The following WDFY3 variants were observed in gnomAD, a reference collection of about 807,000 sequenced individuals.
WDFY3 encodes the protein WD repeat and FYVE domain-containing protein 3.
Under a neutral mutation model 409.6 loss-of-function variants are expected in WDFY3, and 66 were observed. That is an observed-to-expected ratio of 0.16 (90% CI 0.13 to 0.20). The LOEUF (loss-of-function observed/expected upper bound fraction) is 0.20. Ranked by LOEUF, WDFY3 falls within the 10% of genes least tolerant of loss-of-function variation. The pLI is 1.00. For synonymous variants in WDFY3, 1,521 were observed against 1,537.1 expected, an observed-to-expected ratio of 0.99 and a Z score of 0.25; for missense variants, 3,031 against 4,298.1, an observed-to-expected ratio of 0.71 and a Z score of 8.24.
chr4:84,748,293 C>A (rs1739864899), intron 36 of WDFY3, among the ~76,000 whole-genome samples: 1 of 152,124 alleles, frequency 6.6e-6, no homozygotes, highest in Non-Finnish European at 1.5e-5. Flanking sequence ...ATTTAGTTTT[C>A]ACAATAATTC....
chr4:84,718,485 A>G lies in WDFY3; in HGVS notation c.7691T>C (p.Val2564Ala). Reference protein sequence around the residue: ...LLLFGKEHFYVIDGFTMTATR... With the variant: ...LLLFGKEHFYAIDGFTMTATR... ...TGCTGTCATGGTAAATCCATCAATCACATAAAAATGCTCTTTACCAAAAAG... is the reference window on the plus strand; with the variant it reads ...TGCTGTCATGGTAAATCCATCAATCGCATAAAAATGCTCTTTACCAAAAAG... The change falls in exon 48 of 68, where the codon GTG (valine) becomes GCG (alanine). Residue 2564 changes from valine to alanine, a missense_variant. Coordinates refer to ENST00000295888, the MANE Select transcript of WDFY3 (RefSeq NM_014991.6). 1.9e-6 allele frequency: 3 copies of G among 1,614,040 alleles called. No individual in the cohort carries two copies. Among genetic ancestry groups the G allele is most frequent in the Non-Finnish European group, 2.5e-6 (3 of 1,179,958 alleles).
chr4:84,824,196 T>C (rs773640649), intron 10 of WDFY3, among the ~76,000 whole-genome samples: 67 of 152,300 alleles, frequency 4.4e-4, no homozygotes, highest in Non-Finnish European at 6.8e-4. Flanking sequence ...CATGGTTAAT[T>C]ACAGTCTGAA....
At chr4:84,823,186 G>GAT (rs1578684329) in intron 10 of WDFY3, among the ~76,000 whole-genome samples, 2 of 152,208 alleles carry the variant, frequency 1.3e-5, no homozygotes, top group East Asian at 3.9e-4. Flanking sequence ...AAGTGTCTCA[G>GAT]ATATATGTAG....
At chr4:84,885,330 A>ATGTG (rs70943380) in intron 3 of WDFY3, among the ~76,000 whole-genome samples, 8,256 of 145,580 alleles carry the variant, frequency 0.057, 270 homozygotes, top group East Asian at 0.083. Context: ...ACATATACAT[A>ATGTG]TGTGTGTGTG....
At chr4:84,814,538 T>TC (rs2149772793) in intron 13 of WDFY3, among the ~76,000 whole-genome samples, 1 of 152,226 alleles carries the variant, frequency 6.6e-6, no homozygotes, top group African/African-American at 2.4e-5. Context: ...AATCTCACAC[T>TC]GCCCCACACC....
At chr4:84,673,138 G>A in intron 67 of WDFY3, 147 bp from the exon 68 acceptor site, 1 of 1,008,450 alleles carries the variant, frequency 9.9e-7, no homozygotes, top group Non-Finnish European at 1.4e-6. Flanking sequence ...AGGACTAAAA[G>A]GAAAGCTGTA....
At chr4:84,887,121 A>T (rs970765773) in intron 3 of WDFY3, among the ~76,000 whole-genome samples, 2 of 152,164 alleles carry the variant, frequency 1.3e-5, no homozygotes, top group Non-Finnish European at 2.9e-5. Flanking sequence ...TTTAAGATAG[A>T]CATGATATCT....
chr4:84,892,201 A>G (rs1432677109), intron 3 of WDFY3, among the ~76,000 whole-genome samples: 1 of 152,046 alleles, frequency 6.6e-6, no homozygotes, highest in East Asian at 1.9e-4. Context: ...CATGGGATCT[A>G]AACATAGCGT....
rs1243014138 is a variant in WDFY3, at chr4:84,930,700, G to C, written c.-132+1570C>G. Reference sequence around the variant, plus strand: ...TATTGCACTGTACCATTTTATTCATGATAGTCAAATAAATGTCCATCAACT... The same window carrying C: ...TATTGCACTGTACCATTTTATTCATCATAGTCAAATAAATGTCCATCAACT... On this transcript the variant is annotated intron_variant, in intron 2 of 67. Coordinates refer to ENST00000295888, the MANE Select transcript of WDFY3 (RefSeq NM_014991.6). Among the ~76,000 whole-genome samples, 5 of 152,070 alleles carry C rather than the reference G, an allele frequency of 3.3e-5. No individual in the cohort carries two copies. In the East Asian group the frequency reaches 9.6e-4, roughly 29 times the overall value.
chr4:84,818,627 T>C (rs1753650980), intron 12 of WDFY3, among the ~76,000 whole-genome samples: 1 of 152,146 alleles, frequency 6.6e-6, no homozygotes, highest in Non-Finnish European at 1.5e-5. Flanking sequence ...CACATGGAAT[T>C]TGTGACATCC....
In WDFY3 at chr4:84,803,366, G is replaced by A. The variant is rs757025020; in HGVS notation, c.2531C>T (p.Ala844Val). 1.2e-6 allele frequency: 2 copies of A among 1,614,070 alleles called. No individual in the cohort carries two copies. Among genetic ancestry groups the A allele is most frequent in the Non-Finnish European group, 1.7e-6 (2 of 1,180,004 alleles). Residue 844 changes from alanine (A) to valine (V), a missense_variant, in exon 16 of 68, where the codon GCA becomes GTA. Physicochemically the swap from Ala to Val is moderately conservative, Grantham distance 64. Coordinates refer to ENST00000295888, the MANE Select transcript of WDFY3 (RefSeq NM_014991.6). ...VTTSSLQSSD[A>V]VIIHPGAMLA... Reference sequence around the variant, plus strand: ...CATGGCTCCAGGATGAATGATGACTGCATCAGAACTCTGCAGAGATGAAGT... The same window carrying A: ...CATGGCTCCAGGATGAATGATGACTACATCAGAACTCTGCAGAGATGAAGT...
At chr4:84,736,647 G>A (rs755634459) in intron 41 of WDFY3, among the ~76,000 whole-genome samples, 1 of 151,884 alleles carries the variant, frequency 6.6e-6, no homozygotes, top group Non-Finnish European at 1.5e-5. Flanking sequence ...GGTATACTTC[G>A]CAACTTAGAA....
rs1189912488 is a variant in WDFY3, at chr4:84,794,741, C to T, written c.3269-4G>A. ...GGAGGAGGGAAGAATCTTTCACCTACAGTAAAAATTAAAAAAAAAAGTCTG... is the reference window on the plus strand; with the variant it reads ...GGAGGAGGGAAGAATCTTTCACCTATAGTAAAAATTAAAAAAAAAAGTCTG... On this transcript the variant is annotated splice_polypyrimidine_tract_variant and splice_region_variant and intron_variant, in intron 20 of 67. Transcript: ENST00000295888. 4 of 1,590,552 alleles carry T rather than the reference C, an allele frequency of 2.5e-6. No individual in the cohort carries two copies. The South Asian group carries it at 3.5e-5, about 14-fold the overall frequency.
chr4:84,730,676 A>G (rs1328171405), intron 44 of WDFY3, among the ~76,000 whole-genome samples: 1 of 152,222 alleles, frequency 6.6e-6, no homozygotes, highest in Non-Finnish European at 1.5e-5. Context: ...TCTATAGAGC[A>G]TCTAGCTCAG....
chr4:84,691,531 C>T, intron 60 of WDFY3, 100 bp downstream of exon 60: 1 of 1,310,298 alleles, frequency 7.6e-7, no homozygotes, highest in Non-Finnish European at 1.0e-6. Context: ...GAACAGCTGA[C>T]AAGCCCTTGG....
chr4:84,755,439 A>C, intron 33 of WDFY3, 39 bp from the exon 34 acceptor site: 1 of 1,573,946 alleles, frequency 6.4e-7, no homozygotes, highest in Non-Finnish European at 8.6e-7. Context: ...GCCACCACTA[A>C]TTTTTCAGTA....
At chr4:84,907,375 G>A (rs1047524517) in intron 2 of WDFY3, among the ~76,000 whole-genome samples, 1 of 152,148 alleles carries the variant, frequency 6.6e-6, no homozygotes, top group African/African-American at 2.4e-5. Flanking sequence ...CCTGAAGGAA[G>A]CCAACTTCCA....
At chr4:84,887,214 A>G (rs1244129130) in intron 3 of WDFY3, among the ~76,000 whole-genome samples, 2 of 152,212 alleles carry the variant, frequency 1.3e-5, no homozygotes, top group Admixed American at 1.3e-4. Flanking sequence ...AGGGAAACAC[A>G]GGAAGGCTGG....
intron 44 of WDFY3, among the ~76,000 whole-genome samples, chr4:84,729,047 C>T (rs991504111): frequency 1.3e-5 from 2 of 152,024 alleles, no homozygotes; most frequent in Non-Finnish European, 2.9e-5. Flanking sequence ...CCACAAGAAA[C>T]TCTCCTAGTT....
Sources: gnomAD v4.1 joint callset for allele counts (sites outside exome capture counted in the v4.1 genomes callset) on GRCh38, gnomAD v4.1.1 for gene constraint, MANE v1.5 for transcripts, NCBI Gene and HGNC (gene_info 2026-07-23, HGNC 2026-07-21) for gene names.